Variants in TMEM260 observed in about 807,000 individuals in gnomAD.
The protein encoded by TMEM260 is transmembrane protein 260.
Under a neutral mutation model 88.9 loss-of-function variants are expected in TMEM260, and 82 were observed. That is an observed-to-expected ratio of 0.92 (90% CI 0.77 to 1.11). The LOEUF (loss-of-function observed/expected upper bound fraction) is 1.11. Ranked by LOEUF, TMEM260 falls within the 50% of genes least tolerant of loss-of-function variation. The pLI, the probability that TMEM260 is intolerant of heterozygous loss-of-function variation, is 0.00. For missense variants in TMEM260, 902 were observed against 853.4 expected (o/e 1.06, Z -0.71); for synonymous variants, 314 against 309.3 (o/e 1.02, Z -0.16).
chr14:56,659,618 A>C, the TMEM260 span, among the ~76,000 whole-genome samples: 1 of 152,168 alleles, frequency 6.6e-6, no homozygotes, highest in African/African-American at 2.4e-5. Context: ...CCTCAAAGCC[A>C]CTGGGCTCAC....
chr14:56,624,103 A>C (rs1050515282), intron 11 of TMEM260, among the ~76,000 whole-genome samples: 10 of 152,240 alleles, frequency 6.6e-5, no homozygotes, highest in Non-Finnish European at 1.0e-4. Flanking sequence ...TTGAAATGCC[A>C]AAAGAGTTTT....
intron 2 of TMEM260, among the ~76,000 whole-genome samples, chr14:56,585,425 A>C (rs959750460): frequency 6.6e-6 from 1 of 152,108 alleles, no homozygotes; most frequent in African/African-American, 2.4e-5. Flanking sequence ...TTTCTAACCA[A>C]TACGATATTT....
At chr14:56,642,877 AAC>A in intron 15 of TMEM260, among the ~76,000 whole-genome samples, 1 of 152,216 alleles carries the variant, frequency 6.6e-6, no homozygotes, top group Admixed American at 6.5e-5. Flanking sequence ...GACTACTATA[AAC>A]ACGTCTATGC....
intron 3 of TMEM260, among the ~76,000 whole-genome samples, chr14:56,600,213 G>T (rs544952787): frequency 1.5e-4 from 23 of 152,098 alleles, no homozygotes; most frequent in African/African-American, 5.3e-4. Context: ...TTCATATTCC[G>T]TATATCCTAT....
Position 56,599,645 on chromosome 14 carries a change from A to G in TMEM260, c.345-4170A>G, listed in dbSNP as rs779513381. ...GTCTTCTTATACATGTAGCTCTGAT[A>G]AACTGGCTCATGATCTTCATGATCT... On this transcript the variant is annotated intron_variant, in intron 3 of 15. Transcript: ENST00000261556. Among the ~76,000 whole-genome samples, 25 of 152,356 alleles carry G rather than the reference A, an allele frequency of 1.6e-4. No individual in the cohort carries two copies. In the Middle Eastern group the frequency reaches 0.017, roughly 104 times the overall value.
chr14:56,644,062 G>A lies in TMEM260; in HGVS notation c.1870-3181G>A, dbSNP rs868227410. On this transcript the variant is annotated intron_variant, in intron 15 of 15. Coordinates refer to ENST00000261556, the MANE Select transcript of TMEM260 (RefSeq NM_017799.4). Reference sequence around the variant, plus strand: ...CTCATGGGTAGGAAGAATCAATTGCGTGAAAATGGCCATACTGCCCAAGGT... The same window carrying A: ...CTCATGGGTAGGAAGAATCAATTGCATGAAAATGGCCATACTGCCCAAGGT... Among the ~76,000 whole-genome samples, 34 of 152,276 alleles carry A rather than the reference G, an allele frequency of 2.2e-4. 1 individual carries two copies. Among genetic ancestry groups the A allele is most frequent in the Middle Eastern group, 3.4e-3 (1 of 294 alleles).
At chr14:56,605,239 A>T (rs1886821821) in intron 4 of TMEM260, among the ~76,000 whole-genome samples, 1 of 152,222 alleles carries the variant, frequency 6.6e-6, no homozygotes, top group South Asian at 2.1e-4. Context: ...ACAATTGCTG[A>T]ATTTCAATTA....
intron 12 of TMEM260, among the ~76,000 whole-genome samples, chr14:56,627,330 T>C (rs1274959460): frequency 6.6e-6 from 1 of 152,156 alleles, no homozygotes; most frequent in Non-Finnish European, 1.5e-5. Context: ...ACAACACATA[T>C]ATAAAAAATG....
chr14:56,598,955 G>A (rs139101343), intron 3 of TMEM260, among the ~76,000 whole-genome samples: 59 of 152,298 alleles, frequency 3.9e-4, no homozygotes, highest in African/African-American at 1.3e-3. Flanking sequence ...ATCATTGGCT[G>A]CTTTCAACAG....
chr14:56,633,266 T>C (rs1020309684), intron 13 of TMEM260, 95 bp downstream of exon 13: 36 of 1,008,518 alleles, frequency 3.6e-5, no homozygotes, highest in Non-Finnish European at 4.9e-5. Context: ...TAATTTTTTT[T>C]TTTATTAATT....
the TMEM260 span, among the ~76,000 whole-genome samples, chr14:56,659,345 G>A: frequency 6.6e-6 from 1 of 151,026 alleles, no homozygotes; most frequent in Non-Finnish European, 1.5e-5. Flanking sequence ...ACTGCTTTAG[G>A]CCTCAAGACA....
At chr14:56,609,420 C>G (rs1887113459) in intron 6 of TMEM260, 135 bp downstream of exon 6, 1 of 804,636 alleles carries the variant, frequency 1.2e-6, no homozygotes, top group South Asian at 1.9e-5. Context: ...ATGTAACAAA[C>G]TTGCCCCTTG....
intron 7 of TMEM260, chr14:56,613,895 C>CAAAAAAAAAAAAAAAAAAA (rs35019348): frequency 7.5e-6 from 1 of 133,202 alleles, no homozygotes; most frequent in South Asian, 2.6e-4. Context: ...CCCGTCTCTG[C>CAAAAAAAAAAAAAAAAAAA]AAAAAAAAAA....
chr14:56,651,915 A>C (rs544009716), downstream of TMEM260, among the ~76,000 whole-genome samples: 1 of 152,400 alleles, frequency 6.6e-6, no homozygotes, highest in East Asian at 1.9e-4. Context: ...ATAACAAACC[A>C]TAATCATCTT....
intron 10 of TMEM260, among the ~76,000 whole-genome samples, chr14:56,620,255 A>G (rs1052330007): frequency 2.0e-5 from 3 of 152,192 alleles, no homozygotes; most frequent in African/African-American, 7.2e-5. Context: ...ATTTACCTTT[A>G]TAACAACAAA....
intron 11 of TMEM260, among the ~76,000 whole-genome samples, chr14:56,624,484 G>T (rs971584133): frequency 1.2e-4 from 18 of 152,218 alleles, no homozygotes; most frequent in Non-Finnish European, 2.9e-5. Flanking sequence ...TTAGGTAGGA[G>T]AATGAACCCA....
Position 56,618,642 on chromosome 14 carries a change from G to A in TMEM260, c.1105G>A (p.Gly369Ser), listed in dbSNP as rs930646088. 4 of 1,614,206 alleles carry A rather than the reference G, an allele frequency of 2.5e-6. No individual in the cohort carries two copies. In the African/African-American group the frequency reaches 4.0e-5, roughly 16 times the overall value. ...QSNAVVAVLAGIGLAAVVSET... is the reference protein window; with the variant it reads ...QSNAVVAVLASIGLAAVVSET... ...CAATGCAGTAGTGGCCGTCCTCGCT[G>A]GCATTGGTTTGGCTGCAGTTGTGTC... Residue 369 changes from glycine to serine, a missense_variant, in exon 10 of 16, where the codon GGC (glycine) becomes AGC (serine). Gly to Ser is a moderately conservative substitution (Grantham distance 56, BLOSUM62 0). Transcript: ENST00000261556.
intron 11 of TMEM260, among the ~76,000 whole-genome samples, chr14:56,622,170 C>T (rs549311394): frequency 7.8e-4 from 119 of 151,764 alleles, no homozygotes; most frequent in South Asian, 6.4e-3. Flanking sequence ...GGTGAAACCC[C>T]GTCTCTACTA....
chr14:56,592,832 A>G (rs1056370162), intron 3 of TMEM260, among the ~76,000 whole-genome samples: 4 of 152,134 alleles, frequency 2.6e-5, no homozygotes, highest in African/African-American at 9.7e-5. Flanking sequence ...TTCTCAGTAC[A>G]CTCAGTATAG....
Sources: allele counts gnomAD v4.1 joint callset (sites outside exome capture counted in the v4.1 genomes callset), GRCh38; gene constraint gnomAD v4.1.1; transcripts MANE v1.5; gene names NCBI Gene and HGNC (gene_info 2026-07-23, HGNC 2026-07-21).